MAPK4: variants seen among roughly 807,000 people sequenced by gnomAD.
MAPK4 encodes the protein mitogen-activated protein kinase 4, also known as Erk3-related.
In MAPK4, 22 loss-of-function variants were observed where a neutral mutation model predicts 47.7. That is an observed-to-expected ratio of 0.46 (90% CI 0.33 to 0.66). The LOEUF is 0.66. MAPK4 is among the 30% of genes least tolerant of loss of function. The pLI, the probability that MAPK4 is intolerant of heterozygous loss-of-function variation, is 0.02. For missense variants in MAPK4, 736 were observed against 831.7 expected (o/e 0.88, Z 1.42); for synonymous variants, 390 against 365.7 (o/e 1.07, Z -0.76).
chr18:50,683,378 C>A (rs1409862468), intron 2 of MAPK4, among the ~76,000 whole-genome samples: 1 of 152,056 alleles, frequency 6.6e-6, no homozygotes, highest in Non-Finnish European at 1.5e-5. Context: ...CTGCCTCACC[C>A]TCCCAAAGTA....
intron 1 of MAPK4, among the ~76,000 whole-genome samples, chr18:50,613,080 A>G (rs907458378): frequency 3.3e-5 from 5 of 152,142 alleles, no homozygotes; most frequent in African/African-American, 4.8e-5. Flanking sequence ...AACACATCCT[A>G]AGGTGACTTG....
intron 1 of MAPK4, among the ~76,000 whole-genome samples, chr18:50,579,327 T>C (rs530661331): frequency 4.2e-4 from 64 of 152,228 alleles, no homozygotes; most frequent in Non-Finnish European, 7.9e-4. Flanking sequence ...TTTTAAATAC[T>C]GTGTGTGCTT....
chr18:50,667,472 G>A (rs893472159), intron 2 of MAPK4, among the ~76,000 whole-genome samples: 1 of 152,214 alleles, frequency 6.6e-6, no homozygotes, highest in African/African-American at 2.4e-5. Context: ...GTTGTGGTCA[G>A]ATGTGTACAT....
rs1173819568 is a variant in MAPK4 at position 50,731,615 on chromosome 18, AAG to A, written c.*1763_*1764del. 6.6e-6 allele frequency: 1 copy of A among 152,368 alleles called. No individual in the cohort carries two copies. Among genetic ancestry groups the A allele is most frequent in the Non-Finnish European group, 1.5e-5 (1 of 68,038 alleles). The allele number at this position is 152,368 out of a possible 1,614,324, so 9.4% of individuals were successfully genotyped here. A position where few individuals can be genotyped will look rare whatever the true frequency, so the allele number is the denominator to read the frequency against. ...TGGGTTTTGTTTTTTCTTTAAGAAA[AAG>A]AAATGTACACCACTCCTCATGTGCC... On this transcript the variant is annotated 3_prime_UTR_variant, in exon 6 of 6. Transcript: ENST00000400384.
rs558051521 is a variant in MAPK4 at position 50,638,081 on chromosome 18, C to T, written c.-870-25008C>T. ...CTGACTTGGTTAATGCTGGGTCCTT[C>T]CCCTCTCTCCACTGGTTCTAACTTC... is the stretch of plus-strand genomic sequence containing the variant. On this transcript the variant is annotated intron_variant, in intron 1 of 5. Coordinates refer to ENST00000400384, the MANE Select transcript of MAPK4 (RefSeq NM_002747.4). 5.9e-4 allele frequency among the ~76,000 whole-genome samples: 90 copies of T among 152,306 alleles called. 1 individual carries two copies. The highest frequency in any genetic ancestry group is 2.1e-3 in the African/African-American group (87 of 41,564).
intron 1 of MAPK4, among the ~76,000 whole-genome samples, chr18:50,567,556 C>T (rs1280484146): frequency 6.6e-6 from 1 of 152,160 alleles, no homozygotes; most frequent in Non-Finnish European, 1.5e-5. Context: ...AATGGTGTAC[C>T]AGTTTACCTT....
intron 1 of MAPK4, among the ~76,000 whole-genome samples, chr18:50,604,242 C>G (rs1438596597): frequency 6.6e-6 from 1 of 152,136 alleles, no homozygotes; most frequent in Non-Finnish European, 1.5e-5. Context: ...AGATTATTAA[C>G]TGATTTTTAG....
At chr18:50,565,029 G>A (rs1466982421) in intron 1 of MAPK4, among the ~76,000 whole-genome samples, 2 of 152,186 alleles carry the variant, frequency 1.3e-5, no homozygotes, top group African/African-American at 4.8e-5. Flanking sequence ...TCTTGGGAAA[G>A]CAGTCTTTGG....
At chr18:50,565,314 G>T (rs1171506282) in intron 1 of MAPK4, among the ~76,000 whole-genome samples, 1 of 152,174 alleles carries the variant, frequency 6.6e-6, no homozygotes, top group Non-Finnish European at 1.5e-5. Context: ...GGATCGTTCC[G>T]GTTTAGCAGG....
chr18:50,593,138 C>G (rs753702553), intron 1 of MAPK4, among the ~76,000 whole-genome samples: 3 of 152,222 alleles, frequency 2.0e-5, no homozygotes, highest in Non-Finnish European at 2.9e-5. Context: ...AAACTGTGCA[C>G]TTAATTACCA....
intron 1 of MAPK4, among the ~76,000 whole-genome samples, chr18:50,636,188 C>T (rs2042886273): frequency 1.3e-5 from 2 of 152,228 alleles, no homozygotes; most frequent in Non-Finnish European, 1.5e-5. Context: ...CTCAGTGACA[C>T]CTTCTCAGGT....
intron 1 of MAPK4, among the ~76,000 whole-genome samples, chr18:50,585,959 C>G (rs2042384546): frequency 6.6e-6 from 1 of 152,094 alleles, no homozygotes; most frequent in South Asian, 2.1e-4. Context: ...GTGGGTCTGT[C>G]CCATGACACA....
intron 1 of MAPK4, among the ~76,000 whole-genome samples, chr18:50,611,371 G>A (rs1373857228): frequency 2.0e-5 from 3 of 152,172 alleles, no homozygotes; most frequent in East Asian, 1.9e-4. Flanking sequence ...GCCCAATAAC[G>A]TGCAACTTAT....
At chr18:50,590,465 C>A (rs975511229) in intron 1 of MAPK4, among the ~76,000 whole-genome samples, 1 of 152,194 alleles carries the variant, frequency 6.6e-6, no homozygotes, top group African/African-American at 2.4e-5. Flanking sequence ...TGCTGAGGCA[C>A]TTCCATGACT....
intron 1 of MAPK4, among the ~76,000 whole-genome samples, chr18:50,623,411 T>G (rs1477874735): frequency 6.6e-6 from 1 of 152,246 alleles, no homozygotes; most frequent in Non-Finnish European, 1.5e-5. Context: ...TTCCTGTCTG[T>G]GTAAATGGAA....
At chr18:50,679,992 G>T (rs1293513451) in intron 2 of MAPK4, among the ~76,000 whole-genome samples, 1 of 150,624 alleles carries the variant, frequency 6.6e-6, no homozygotes, top group African/African-American at 2.5e-5. Context: ...CCCAGCGCTC[G>T]CCGCCCCACA....
At chr18:50,634,316 T>TTG (rs2042860115) in intron 1 of MAPK4, among the ~76,000 whole-genome samples, 1 of 5,576 alleles carries the variant, frequency 1.8e-4, no homozygotes, top group Admixed American at 3.1e-3. Context: ...TTTTTTTTTC[T>TTG]TTTTTTTTTT....
At position 50,729,523 on chromosome 18, in the gene MAPK4, A is replaced by T. The variant is rs1463072484; in HGVS notation, c.1433A>T (p.Asp478Val). 7.0e-7 allele frequency: 1 copy of T among 1,436,606 alleles called. No homozygotes were observed. The highest frequency in any genetic ancestry group is 1.5e-5 in the African/African-American group (1 of 68,742). The allele number at this position is 1,436,606 out of a possible 1,614,324, so 89.0% of individuals were successfully genotyped here. A position where few individuals can be genotyped will look rare whatever the true frequency, so the allele number is the denominator to read the frequency against. Residue 478 changes from aspartate to valine, a missense_variant, in exon 6 of 6, where the codon GAC becomes GTC. Asp to Val is a radical substitution (Grantham distance 152). This residue lies in a region of MAPK4 where 377 missense variants were observed against 378.6 expected (regional missense o/e 1.00). Coordinates refer to ENST00000400384, the MANE Select transcript of MAPK4 (RefSeq NM_002747.4). ...GAPPTATGLADTGAREDEPAS... is the reference protein window; with the variant it reads ...GAPPTATGLAVTGAREDEPAS... ...CCCCCCACGGCCACGGGGCTGGCGG[A>T]CACGGGGGCGCGCGAGGACGAGCCG... is the stretch of plus-strand genomic sequence containing the variant.
At chr18:50,594,782 A>T (rs1343677432) in intron 1 of MAPK4, among the ~76,000 whole-genome samples, 1 of 152,244 alleles carries the variant, frequency 6.6e-6, no homozygotes, top group Non-Finnish European at 1.5e-5. Flanking sequence ...TTATTAAGAA[A>T]ATTAATAGGC....
Sources: allele counts gnomAD v4.1 joint callset (sites outside exome capture counted in the v4.1 genomes callset), GRCh38; gene constraint gnomAD v4.1.1; regional missense constraint gnomAD v4.1.1; transcripts MANE v1.5; gene names NCBI Gene and HGNC (gene_info 2026-07-23, HGNC 2026-07-21).